Variants in SPEF2 observed in about 807,000 individuals in gnomAD.
SPEF2 encodes the protein sperm flagellar and cilia associated 2, also known as sperm flagella and cilia-associated protein 2.
Under a neutral mutation model 224.6 loss-of-function variants are expected in SPEF2, and 187 were observed. The ratio of observed to expected loss-of-function variants is 0.83; its 90% CI spans 0.74 to 0.94. SPEF2 has a LOEUF of 0.94. Ranked by LOEUF, SPEF2 falls within the 40% of genes least tolerant of loss-of-function variation. SPEF2 has a pLI of 0.00. For synonymous variants in SPEF2, 715 were observed against 707.3 expected (o/e 1.01, Z -0.17); for missense variants, 2,170 against 2,135.6 (o/e 1.02, Z -0.32).
chr5:35,718,895 T>C (rs1260048511), intron 20 of SPEF2, among the ~76,000 whole-genome samples: 1 of 152,184 alleles, frequency 6.6e-6, no homozygotes, highest in Non-Finnish European at 1.5e-5. Context: ...CAAAAATGTG[T>C]CTCAGGGAGT....
rs139528367 is a variant in SPEF2, at chr5:35,805,791, G to C, written c.5011-916G>C. Among the ~76,000 whole-genome samples the C allele has an allele frequency of 1.1e-3, 165 of 152,138 alleles. 1 individual carries two copies. The highest frequency in any genetic ancestry group is 3.9e-3 in the African/African-American group (160 of 41,516). ...AATAGAATAGATATATAAGCAAACTGTCCTACTGCATGTACTACTTTGTTT... is the reference window on the plus strand; with the variant it reads ...AATAGAATAGATATATAAGCAAACTCTCCTACTGCATGTACTACTTTGTTT... On this transcript the variant is annotated intron_variant, in intron 34 of 36. Transcript: ENST00000356031.
chr5:35,748,092 T>C (rs1748843936), intron 23 of SPEF2, among the ~76,000 whole-genome samples: 1 of 152,012 alleles, frequency 6.6e-6, no homozygotes, highest in Non-Finnish European at 1.5e-5. Context: ...AAGCATTGGA[T>C]CAAAAACGAA....
At chr5:35,723,372 A>C (rs1227675114) in intron 20 of SPEF2, among the ~76,000 whole-genome samples, 1 of 152,090 alleles carries the variant, frequency 6.6e-6, no homozygotes, top group Non-Finnish European at 1.5e-5. Flanking sequence ...ACTCAGCCCC[A>C]CCCGAGACCT....
At chr5:35,748,045 T>A (rs994426224) in intron 23 of SPEF2, among the ~76,000 whole-genome samples, 4 of 152,124 alleles carry the variant, frequency 2.6e-5, no homozygotes, top group Non-Finnish European at 4.4e-5. Context: ...TTCAAAACTA[T>A]GCAAATACAT....
chr5:35,737,481 G>A (rs1374506087), intron 21 of SPEF2, among the ~76,000 whole-genome samples: 1 of 150,950 alleles, frequency 6.6e-6, no homozygotes, highest in African/African-American at 2.4e-5. Context: ...TTTTGTCCTT[G>A]CGATAGTTTG....
At chr5:35,742,861 A>T (rs963183152) in intron 23 of SPEF2, among the ~76,000 whole-genome samples, 5 of 151,954 alleles carry the variant, frequency 3.3e-5, no homozygotes, top group African/African-American at 1.2e-4. Context: ...TTGATAAATA[A>T]GGAAATTTCC....
At chr5:35,800,893 C>A (rs1396895570) in intron 34 of SPEF2, among the ~76,000 whole-genome samples, 2 of 152,210 alleles carry the variant, frequency 1.3e-5, no homozygotes, top group Non-Finnish European at 2.9e-5. Context: ...TCCAGACACA[C>A]TTCCATCCTT....
At chr5:35,664,709 AGAGAGAGAGG>A (rs1561158461) in intron 8 of SPEF2, among the ~76,000 whole-genome samples, 1 of 145,482 alleles carries the variant, frequency 6.9e-6, no homozygotes, top group African/African-American at 2.5e-5. Context: ...AGAGAGAGAG[AGAGAGAGAGG>A]GAGGGAGAGA....
At position 35,750,995 on chromosome 5, in the gene SPEF2, A is replaced by ATG. The variant is rs1333177258; in HGVS notation, c.3331-2627_3331-2626dup. Among the ~76,000 whole-genome samples the ATG allele has an allele frequency of 1.5e-3, 185 of 121,460 alleles. 11 individuals carry two copies. Among genetic ancestry groups the ATG allele is most frequent in the African/African-American group, 3.8e-3 (113 of 29,594 alleles). 79.7% of individuals were successfully genotyped at this position (121,460 alleles called of 152,430 possible). A position where few individuals can be genotyped will look rare whatever the true frequency, so the allele number is the denominator to read the frequency against. ...TAAAGAAACTGTGCTATATATATAT[A>ATG]TGTATATATATATATACGTATATAT... On this transcript the variant is annotated intron_variant, in intron 23 of 36. Coordinates refer to ENST00000356031, the MANE Select transcript of SPEF2 (RefSeq NM_024867.4).
intron 26 of SPEF2, among the ~76,000 whole-genome samples, chr5:35,768,036 T>G (rs1447015609): frequency 6.6e-6 from 1 of 152,142 alleles, no homozygotes; most frequent in Non-Finnish European, 1.5e-5. Context: ...TAGGTGGTTG[T>G]TGTTATTGTT....
At position 35,746,789 on chromosome 5, in the gene SPEF2, A is replaced by G. The variant is rs374217628; in HGVS notation, c.3330+6522A>G. Among the ~76,000 whole-genome samples the G allele has an allele frequency of 5.6e-4, 85 of 152,306 alleles. 2 individuals are homozygous for G. The South Asian group carries it at 0.017, about 31-fold the overall frequency. On this transcript the variant is annotated intron_variant, in intron 23 of 36. Transcript: ENST00000356031. ...GAAAACTTCCCCAGCCTCGCTAGAG[A>G]CCTAAACATTCAAACACAAGAAGTA...
chr5:35,717,855 TG>T (rs1742889469), intron 20 of SPEF2, among the ~76,000 whole-genome samples: 1 of 152,152 alleles, frequency 6.6e-6, no homozygotes, highest in African/African-American at 2.4e-5. Flanking sequence ...ATCTAACTGT[TG>T]TTAGATTAAG....
intron 20 of SPEF2, among the ~76,000 whole-genome samples, chr5:35,714,221 T>G (rs1181733858): frequency 1.3e-5 from 2 of 151,012 alleles, no homozygotes; most frequent in African/African-American, 2.4e-5. Context: ...TTCTTATGAC[T>G]TGTTTGAGTT....
intron 2 of SPEF2, among the ~76,000 whole-genome samples, chr5:35,634,885 T>A (rs1020519369): frequency 1.2e-4 from 19 of 152,084 alleles, no homozygotes; most frequent in African/African-American, 2.7e-4. Flanking sequence ...GGTTTTTTTT[T>A]ATTTTTTACT....
Position 35,646,797 on chromosome 5 carries a change from A to G in SPEF2, c.716A>G (p.Lys239Arg), listed in dbSNP as rs765627551. The G allele has an allele frequency of 2.5e-5, 41 of 1,613,664 alleles. No individual in the cohort carries two copies. The highest frequency in any genetic ancestry group is 3.2e-5 in the Non-Finnish European group (38 of 1,179,844). The change falls in exon 5 of 37, where the codon AAA (lysine) becomes AGA (arginine). Residue 239 changes from lysine to arginine, a missense_variant. Lys to Arg is a conservative substitution (Grantham distance 26). Coordinates refer to ENST00000356031, the MANE Select transcript of SPEF2 (RefSeq NM_024867.4). ...LEAQKMMKKKKEAEDVADEIK... is the reference protein window; with the variant it reads ...LEAQKMMKKKREAEDVADEIK... ...GCCCAAAAAATGATGAAAAAGAAAA[A>G]AGAGGCAGAAGTAAGTGATAATCCT...
At chr5:35,790,695 C>T (rs751769992) in intron 30 of SPEF2, 69 of 183,244 alleles carry the variant, frequency 3.8e-4, no homozygotes, top group Non-Finnish European at 1.2e-4. Flanking sequence ...ACTATGATTA[C>T]GGTCTGAGTT....
At chr5:35,638,371 C>T (rs1746124597) in intron 2 of SPEF2, among the ~76,000 whole-genome samples, 1 of 152,004 alleles carries the variant, frequency 6.6e-6, no homozygotes, top group Admixed American at 6.5e-5. Flanking sequence ...GTGTGACCCT[C>T]ATTTACCTTT....
chr5:35,789,263 A>T (rs1179972900), intron 30 of SPEF2: 1 of 703,214 alleles, frequency 1.4e-6, no homozygotes, highest in East Asian at 2.7e-5. Flanking sequence ...GTTGGATGTC[A>T]TGAATGTCCT....
intron 1 of SPEF2, among the ~76,000 whole-genome samples, chr5:35,624,601 T>A (rs1743969985): frequency 6.6e-6 from 1 of 152,002 alleles, no homozygotes; most frequent in Non-Finnish European, 1.5e-5. Context: ...ATCACCTTTG[T>A]CCTCTCTCAA....
Sources: allele counts gnomAD v4.1 joint callset (sites outside exome capture counted in the v4.1 genomes callset), GRCh38; gene constraint gnomAD v4.1.1; transcripts MANE v1.5; gene names NCBI Gene and HGNC (gene_info 2026-07-23, HGNC 2026-07-21).